Variants in UIMC1 observed in about 807,000 individuals in gnomAD.
UIMC1 encodes the protein ubiquitin interaction motif containing 1.
Under a neutral mutation model 84.9 loss-of-function variants are expected in UIMC1, and 42 were observed. That is an observed-to-expected ratio of 0.49 (90% confidence interval 0.39 to 0.64). The LOEUF is 0.64. Among genes scored for constraint, UIMC1 ranks in the 30% least tolerant of loss-of-function variants. UIMC1 has a pLI of 0.00. For missense variants in UIMC1, 825 were observed against 847.6 expected, an observed-to-expected ratio of 0.97 and a Z score of 0.33; for synonymous variants, 281 against 293.0, an observed-to-expected ratio of 0.96 and a Z score of 0.42.
chr5:176,953,182 C>T (rs1766113399), intron 8 of UIMC1, among the ~76,000 whole-genome samples: 1 of 152,098 alleles, frequency 6.6e-6, no homozygotes, highest in Admixed American at 6.5e-5. Flanking sequence ...CTCTCCAGCC[C>T]CCAAAACTGT....
intron 3 of UIMC1, among the ~76,000 whole-genome samples, chr5:176,972,960 G>A (rs1258963300): frequency 6.7e-6 from 1 of 149,746 alleles, no homozygotes; most frequent in Non-Finnish European, 1.5e-5. Context: ...CTGTTGCCCA[G>A]GCTGGAGTGC....
In UIMC1 at chr5:176,982,626, A is replaced by G. The variant is rs1299896566; in HGVS notation, c.-8-3T>C. 1.9e-6 allele frequency: 3 copies of G among 1,609,414 alleles called. No homozygotes were observed. The highest frequency in any genetic ancestry group is 2.5e-6 in the Non-Finnish European group (3 of 1,178,834). On this transcript the variant is annotated splice_region_variant and splice_polypyrimidine_tract_variant and intron_variant, in intron 1 of 14. Coordinates refer to ENST00000511320, the MANE Select transcript of UIMC1 (RefSeq NM_001199298.2). ...CTTTCTCCGTGGCATCCTTTTGTCT[A>G]GAATAAAAGGACAATAATTTTGTCT...
At chr5:176,995,757 C>T (rs1773512533) in intron 1 of UIMC1, among the ~76,000 whole-genome samples, 1 of 147,286 alleles carries the variant, frequency 6.8e-6, no homozygotes. Context: ...GCAGGACAAT[C>T]GCTTGAACCT....
At chr5:177,006,380 G>A (rs1750123041) in intron 1 of UIMC1, 1 of 152,266 alleles carries the variant, frequency 6.6e-6, no homozygotes. Flanking sequence ...CCCGGAATCG[G>A]GAGGGTCCCA....
chr5:177,004,762 AG>A (rs1399979629), intron 1 of UIMC1, among the ~76,000 whole-genome samples: 3 of 152,224 alleles, frequency 2.0e-5, no homozygotes, highest in African/African-American at 7.2e-5. Context: ...ATCTATCTGA[AG>A]AAAAATCACT....
At chr5:176,918,928 T>C (rs1761366629) in intron 10 of UIMC1, among the ~76,000 whole-genome samples, 1 of 152,188 alleles carries the variant, frequency 6.6e-6, no homozygotes, top group African/African-American at 2.4e-5. Flanking sequence ...TCACTTTTTA[T>C]TTAAGATCAA....
chr5:177,000,064 T>C (rs71601327), intron 1 of UIMC1, among the ~76,000 whole-genome samples: 22,388 of 152,132 alleles, frequency 0.15, 2,243 homozygotes, highest in Middle Eastern at 0.24. Context: ...GTTCACACCA[T>C]TCTCTTGCCT....
In UIMC1 at chr5:176,940,918, AAATT is replaced by A. The variant is rs1764342725; in HGVS notation, c.1597+2413_1597+2416del. Reference sequence around the variant, plus strand: ...CACAGATGCATAAAGGGAAGCTTGGAAATTAGCACAGGGTCACACACTAGTAAGT... The same window carrying A: ...CACAGATGCATAAAGGGAAGCTTGGAAGCACAGGGTCACACACTAGTAAGT... On this transcript the variant is annotated intron_variant, in intron 10 of 14. Transcript: ENST00000511320. 2.6e-5 allele frequency among the ~76,000 whole-genome samples: 4 copies of A among 152,342 alleles called. No individual in the cohort carries two copies. In the South Asian group the frequency reaches 8.3e-4, roughly 32 times the overall value.
intron 9 of UIMC1, among the ~76,000 whole-genome samples, chr5:176,946,916 G>A (rs1440111852): frequency 6.6e-6 from 1 of 152,170 alleles, no homozygotes; most frequent in Non-Finnish European, 1.5e-5. Context: ...CCTAAAATTT[G>A]CAAGTAGTCT....
In UIMC1 at chr5:176,906,964, A is replaced by G; in HGVS notation, c.1912+150T>C. 5 of 682,714 alleles carry G rather than the reference A, an allele frequency of 7.3e-6. No individual in the cohort carries two copies. In the East Asian group the frequency reaches 1.4e-4, roughly 19 times the overall value. 42.3% of individuals were successfully genotyped at this position (682,714 alleles called of 1,614,324 possible). On this transcript the variant is annotated intron_variant, in intron 13 of 14. Transcript: ENST00000511320. ...GCATATTGCCCCAACTTCCTTAAGG[A>G]GAGATGACCTAGATTGAGTCTCAAA...
chr5:176,918,338 A>C (rs1761280163), intron 10 of UIMC1, among the ~76,000 whole-genome samples: 1 of 151,992 alleles, frequency 6.6e-6, no homozygotes, highest in Non-Finnish European at 1.5e-5. Context: ...CAGTTCCCTG[A>C]CCTCTTGTTT....
At chr5:176,905,731 G>A (rs991104106) in intron 14 of UIMC1, 1 of 629,440 alleles carries the variant, frequency 1.6e-6, no homozygotes, top group Non-Finnish European at 2.7e-6. Context: ...CAAGCTGCTT[G>A]AGAATCCAGG....
chr5:176,913,901 A>G (rs1460039018), intron 10 of UIMC1, among the ~76,000 whole-genome samples: 1 of 152,144 alleles, frequency 6.6e-6, no homozygotes, highest in Non-Finnish European at 1.5e-5. Context: ...CGCCTGAGCC[A>G]GGAGGGTTGA....
At chr5:176,905,612 A>C (rs1222344217) in intron 14 of UIMC1, 120 bp from the exon 15 acceptor site, 2 of 917,684 alleles carry the variant, frequency 2.2e-6, no homozygotes, top group African/African-American at 1.7e-5. Context: ...AATCTTTGTA[A>C]TAATCCCACC....
chr5:176,969,865 A>G (rs1025168675), intron 4 of UIMC1, 159 bp from the exon 5 acceptor site: 7 of 641,894 alleles, frequency 1.1e-5, no homozygotes, highest in Non-Finnish European at 1.9e-5. Flanking sequence ...CTGAATGTCT[A>G]TGTGCAAAGT....
chr5:176,961,952 G>C (rs1767524537), intron 6 of UIMC1, among the ~76,000 whole-genome samples: 1 of 60,256 alleles, frequency 1.7e-5, no homozygotes, highest in Non-Finnish European at 3.4e-5. Context: ...GGGGGTGTCG[G>C]CCCCCCGCCC....
chr5:177,009,015 GT>G (rs543438267), upstream of UIMC1, among the ~76,000 whole-genome samples: 2,849 of 144,052 alleles, frequency 0.02, 24 homozygotes, highest in Middle Eastern at 0.033. This position sits in a 1 kb window ranked among gnomAD's most constrained non-coding sequence, Gnocchi z 4.3. Context: ...GTTTTTTGGT[GT>G]TTTTTTTTTT....
intron 6 of UIMC1, among the ~76,000 whole-genome samples, chr5:176,963,549 A>C (rs72813113): frequency 0.011 from 1,732 of 151,906 alleles, 11 homozygotes; most frequent in South Asian, 0.025. Flanking sequence ...AGTGAAAATG[A>C]ATAGATAAAT....
rs555302220 is a variant in UIMC1, at chr5:176,968,854, C to A, written c.901G>T (p.Glu301Ter). The A allele has an allele frequency of 6.2e-7, 1 of 1,614,150 alleles. No homozygotes were observed. Among genetic ancestry groups the A allele is most frequent in the African/African-American group, 1.3e-5 (1 of 75,048 alleles). The change falls in exon 6 of 15, where the codon GAG (glutamate) becomes TAG (stop). Residue 301 changes from glutamate to a stop codon, truncating the protein, a stop_gained. Transcript: ENST00000511320. LOFTEE classifies it high-confidence loss of function. Reference sequence around the variant, plus strand: ...ATTTTCAGGCTCTTTTGATAAACCTCCAACTGGCAGAGAATGACCTTGGTA... The same window carrying A: ...ATTTTCAGGCTCTTTTGATAAACCTACAACTGGCAGAGAATGACCTTGGTA... ...QYTKVILCQLEVYQKSLKMAQ... is the reference protein window; with the variant it reads ...QYTKVILCQL
Sources: gnomAD v4.1 joint callset for allele counts (sites outside exome capture counted in the v4.1 genomes callset) on GRCh38, gnomAD v4.1.1 for gene constraint, Gnocchi (gnomAD v3.1) non-coding constraint, MANE v1.5 for transcripts, NCBI Gene and HGNC (gene_info 2026-07-23, HGNC 2026-07-21) for gene names.